SYNJ2: variants seen among roughly 807,000 people sequenced by gnomAD.
SYNJ2 encodes the protein polyphosphatidylinositol phosphatase SYNJ2.
Under a neutral mutation model 141.3 loss-of-function variants are expected in SYNJ2, and 116 were observed. The ratio of observed to expected loss-of-function variants is 0.82; its 90% CI spans 0.71 to 0.96. The LOEUF is 0.96. SYNJ2 is among the 40% of genes least tolerant of loss of function. SYNJ2 has a pLI of 0.00. For missense variants in SYNJ2, 1,873 were observed against 1,934.8 expected (o/e 0.97, Z 0.60); for synonymous variants, 745 against 777.7 (o/e 0.96, Z 0.70).
intron 4 of SYNJ2, among the ~76,000 whole-genome samples, chr6:158,036,404 GT>G (rs1472202018): frequency 1.3e-5 from 2 of 152,160 alleles, no homozygotes; most frequent in Non-Finnish European, 2.9e-5. Context: ...AGAAAATGTG[GT>G]TTGTATACAG....
At chr6:158,029,211 A>AC in intron 3 of SYNJ2, 185 bp downstream of exon 3, 1 of 725,242 alleles carries the variant, frequency 1.4e-6, no homozygotes, top group Non-Finnish European at 2.2e-6. Context: ...ACTCCCTGCC[A>AC]CCCCCCACCC....
At chr6:158,002,844 C>T (rs1777912762) in intron 1 of SYNJ2, among the ~76,000 whole-genome samples, 1 of 152,242 alleles carries the variant, frequency 6.6e-6, no homozygotes, top group Non-Finnish European at 1.5e-5. Flanking sequence ...GTCACTGGCT[C>T]TGCCCGAGGC....
At chr6:158,076,878 T>C (rs1782331939) in intron 17 of SYNJ2, 96 bp downstream of exon 17, 1 of 1,409,964 alleles carries the variant, frequency 7.1e-7, no homozygotes. Flanking sequence ...CGCTGCTACA[T>C]AAATCAGTTT....
At chr6:158,005,944 G>A (rs961310895) in intron 1 of SYNJ2, among the ~76,000 whole-genome samples, 1 of 152,138 alleles carries the variant, frequency 6.6e-6, no homozygotes, top group African/African-American at 2.4e-5. Flanking sequence ...TGCTACCTGT[G>A]TGCAGATGCC....
intron 3 of SYNJ2, among the ~76,000 whole-genome samples, chr6:158,033,251 C>CA (rs1779463282): frequency 6.6e-6 from 1 of 152,198 alleles, no homozygotes; most frequent in Non-Finnish European, 1.5e-5. Context: ...CACAGTGGTC[C>CA]TGCTATTTGG....
At chr6:158,081,369 A>T (rs747705308) in intron 19 of SYNJ2, 42 bp downstream of exon 19, 7 of 1,613,398 alleles carry the variant, frequency 4.3e-6, no homozygotes, top group Non-Finnish European at 5.9e-6. Flanking sequence ...GGGGATGTCG[A>T]TGAGGATCCG....
At position 158,028,991 on chromosome 6, in the gene SYNJ2, G is replaced by A. The variant is rs1562337514; in HGVS notation, c.450G>A (p.Gly150=). The A allele has an allele frequency of 1.2e-6, 2 of 1,601,488 alleles. No homozygotes were observed. The highest frequency in any genetic ancestry group is 8.5e-7 in the Non-Finnish European group (1 of 1,176,212). ...FDLTVRTQKQ[G]DDSSEWGNSF... is the part of the protein sequence containing the mutation. ...TGACTGTCCGCACGCAGAAGCAGGGGGATGACAGCTCTGAATGGGGGAACT... is the reference window on the plus strand; with the variant it reads ...TGACTGTCCGCACGCAGAAGCAGGGAGATGACAGCTCTGAATGGGGGAACT... The change falls in exon 3 of 27, where the codon GGG becomes GGA. Residue 150 remains glycine, a synonymous_variant. Transcript: ENST00000355585.
intron 12 of SYNJ2, among the ~76,000 whole-genome samples, chr6:158,066,884 T>C (rs1259284518): frequency 2.0e-5 from 3 of 152,240 alleles, no homozygotes; most frequent in African/African-American, 7.2e-5. Context: ...CATACAGTGA[T>C]GGTGAAGTCT....
intron 2 of SYNJ2, among the ~76,000 whole-genome samples, chr6:158,018,390 G>A (rs1004108902): frequency 1.3e-5 from 2 of 152,168 alleles, no homozygotes; most frequent in Non-Finnish European, 2.9e-5. Flanking sequence ...CTGATTCTCA[G>A]TCCCACCTGG....
At chr6:158,085,648 A>G (rs1158672846) in intron 22 of SYNJ2, among the ~76,000 whole-genome samples, 1 of 152,210 alleles carries the variant, frequency 6.6e-6, no homozygotes, top group Non-Finnish European at 1.5e-5. Context: ...ACACTGACCA[A>G]TAACTTGCCT....
chr6:158,061,788 CTT>C (rs1457669360), intron 7 of SYNJ2, among the ~76,000 whole-genome samples: 1 of 152,152 alleles, frequency 6.6e-6, no homozygotes, highest in Non-Finnish European at 1.5e-5. Flanking sequence ...GCAAGACGCT[CTT>C]TGTGGGTTTT....
At chr6:158,000,312 A>G (rs1281780618) in intron 1 of SYNJ2, among the ~76,000 whole-genome samples, 1 of 152,086 alleles carries the variant, frequency 6.6e-6, no homozygotes, top group East Asian at 1.9e-4. Flanking sequence ...GTCACAAACC[A>G]TATGTGCCTG....
intron 4 of SYNJ2, among the ~76,000 whole-genome samples, chr6:158,038,432 G>A (rs1292333128): frequency 6.6e-6 from 1 of 152,320 alleles, no homozygotes; most frequent in South Asian, 2.1e-4. Context: ...TGGTGACTTC[G>A]TTAACAAGAG....
In SYNJ2 at chr6:158,033,359, G is replaced by A. The variant is rs116191618; in HGVS notation, c.486-96G>A. ...ATTCGCTGACCCGAAATGCTGCACC[G>A]TGCGCCCCCCAGTTCCTCAGCCACA... On this transcript the variant is annotated intron_variant, in intron 3 of 26. Coordinates refer to ENST00000355585, the MANE Select transcript of SYNJ2 (RefSeq NM_003898.4). 7.9e-4 allele frequency: 1,063 copies of A among 1,346,414 alleles called. 8 individuals are homozygous for A. The African/African-American group carries it at 0.013, about 17-fold the overall frequency. 83.4% of individuals were successfully genotyped at this position (1,346,414 alleles called of 1,614,324 possible).
chr6:158,083,057 C>T (rs2758274), intron 20 of SYNJ2, among the ~76,000 whole-genome samples: 17,093 of 151,838 alleles, frequency 0.11, 1,047 homozygotes, highest in African/African-American at 0.16. Flanking sequence ...CTCAGCCTCC[C>T]GAGTAGCTGG....
rs2128344369 is a variant in SYNJ2, at chr6:158,043,049, G to A, written c.712-267G>A. Reference sequence around the variant, plus strand: ...AGGGTGACGATAAGGTTGTGCCCTAGAAGTGTGAATTCCCGGAGACCCTGG... The same window carrying A: ...AGGGTGACGATAAGGTTGTGCCCTAAAAGTGTGAATTCCCGGAGACCCTGG... On this transcript the variant is annotated intron_variant, in intron 4 of 26. Transcript: ENST00000355585. The surrounding 1 kb of genome is among the most constrained non-coding windows in gnomAD (Gnocchi z 4.0). 6.6e-6 allele frequency among the ~76,000 whole-genome samples: 1 copy of A among 152,286 alleles called. No homozygotes were observed. The highest frequency in any genetic ancestry group is 2.1e-4 in the South Asian group (1 of 4,820).
intron 23 of SYNJ2, 58 bp downstream of exon 23, chr6:158,087,047 C>G (rs1783095258): frequency 6.4e-7 from 1 of 1,560,592 alleles, no homozygotes; most frequent in African/African-American, 1.3e-5. Flanking sequence ...CCGCGCGTTC[C>G]CTGCTACTGA....
chr6:158,037,909 A>G (rs1779726194), intron 4 of SYNJ2, among the ~76,000 whole-genome samples: 1 of 152,058 alleles, frequency 6.6e-6, no homozygotes, highest in Non-Finnish European at 1.5e-5. Flanking sequence ...TTGCTTTCTC[A>G]CTTTTACAGA....
chr6:158,087,527 A>C (rs942655374), intron 23 of SYNJ2, among the ~76,000 whole-genome samples: 2 of 152,162 alleles, frequency 1.3e-5, no homozygotes, highest in Non-Finnish European at 2.9e-5. Flanking sequence ...GCCCTCCCTG[A>C]TAACCTGAAA....
Sources: gnomAD v4.1 joint callset for allele counts (sites outside exome capture counted in the v4.1 genomes callset) on GRCh38, gnomAD v4.1.1 for gene constraint, Gnocchi (gnomAD v3.1) non-coding constraint, MANE v1.5 for transcripts, NCBI Gene and HGNC (gene_info 2026-07-23, HGNC 2026-07-21) for gene names.